Variants in ZC3H12B observed in about 807,000 individuals in gnomAD.
The protein encoded by ZC3H12B is zinc finger CCCH-type containing 12B.
In ZC3H12B, 7 loss-of-function variants were observed where a neutral mutation model predicts 43.9. The ratio of observed to expected loss-of-function variants is 0.16; its 90% CI spans 0.09 to 0.30. ZC3H12B has a LOEUF of 0.30. Among genes scored for constraint, ZC3H12B ranks in the 10% least tolerant of loss-of-function variants. The probability of loss-of-function intolerance (pLI) is 1.00; values close to 1 mark genes in which losing one functional copy is unlikely to be tolerated. For missense variants in ZC3H12B, 475 were observed against 670.2 expected (o/e 0.71, Z 3.22); for synonymous variants, 222 against 241.7 (o/e 0.92, Z 0.76).
At chrX:65,282,172 AG>A in the ZC3H12B span, among the ~76,000 whole-genome samples, 563 of 111,558 alleles carry the variant, frequency 5.0e-3, no homozygotes, top group Non-Finnish European at 8.0e-3. Flanking sequence ...AATCTTAGCC[AG>A]GCACAGTGGT....
At chrX:65,304,183 T>A in the ZC3H12B span, among the ~76,000 whole-genome samples, 1 of 111,909 alleles carries the variant, frequency 8.9e-6, no homozygotes. Context: ...TATAGATGAA[T>A]AAATCAAAGG....
chrX:65,367,988 C>A lies in ZC3H12B; in HGVS notation n.126-841C>A, dbSNP rs780456255. ...AAGAATAATAAGACCCTCCACAAAC[C>A]TTTGTTAGGCCATACTTTGCTTCTG... is the stretch of plus-strand genomic sequence containing the variant. On this transcript the variant is annotated intron_variant and non_coding_transcript_variant, in intron 1 of 5. Transcript: ENST00000617377. 1.6e-3 allele frequency among the ~76,000 whole-genome samples: 174 copies of A among 111,500 alleles called. 1 individual carries two copies. The highest frequency in any genetic ancestry group is 5.3e-3 in the African/African-American group (163 of 30,741).
chrX:65,382,180 G>A (rs1471979091), intron 2 of ZC3H12B, among the ~76,000 whole-genome samples: 2 of 111,039 alleles, frequency 1.8e-5, no homozygotes, highest in Non-Finnish European at 3.8e-5. Context: ...TATGCTTGAT[G>A]AACATTGATG....
At chrX:65,227,292 T>C in the ZC3H12B span, among the ~76,000 whole-genome samples, 2 of 111,331 alleles carry the variant, frequency 1.8e-5, no homozygotes, top group Admixed American at 9.6e-5. Flanking sequence ...ACTGGGTACA[T>C]AACGAAATGA....
the ZC3H12B span, among the ~76,000 whole-genome samples, chrX:65,159,591 G>T: frequency 8.9e-6 from 1 of 111,982 alleles, no homozygotes; most frequent in East Asian, 2.8e-4. Context: ...AAGAATGCTT[G>T]TGATATATGT....
the ZC3H12B span, among the ~76,000 whole-genome samples, chrX:65,067,593 C>G: frequency 1.8e-5 from 2 of 111,848 alleles, no homozygotes; most frequent in East Asian, 5.6e-4. Flanking sequence ...ATTCAGCCAT[C>G]TTGCCAGATC....
the ZC3H12B span, among the ~76,000 whole-genome samples, chrX:65,246,924 A>C: frequency 2.5e-4 from 28 of 112,760 alleles, no homozygotes; most frequent in Non-Finnish European, 5.2e-4. Flanking sequence ...GTTAAACTAA[A>C]GAGCTTCTGC....
chrX:65,483,515 G>A (rs1262060932), intron 3 of ZC3H12B, among the ~76,000 whole-genome samples: 2 of 111,160 alleles, frequency 1.8e-5, no homozygotes, highest in African/African-American at 6.5e-5. Context: ...GTTCTTTCTG[G>A]GGCTTGTGTA....
exon 4 of ZC3H12B, chrX:65,499,883 A>G (rs1456441667): frequency 8.3e-7 from 1 of 1,208,379 alleles, no homozygotes. Context: ...TTGCTTTCAG[A>G]TTTATGCCTC....
At chrX:65,106,178 G>A in the ZC3H12B span, among the ~76,000 whole-genome samples, 1 of 111,509 alleles carries the variant, frequency 9.0e-6, no homozygotes, top group African/African-American at 3.3e-5. Context: ...GAAATGAACT[G>A]TAAGGTAATA....
chrX:65,245,355 A>G, the ZC3H12B span, among the ~76,000 whole-genome samples: 9 of 111,929 alleles, frequency 8.0e-5, no homozygotes, highest in African/African-American at 2.9e-4. Flanking sequence ...GGCAAATATC[A>G]TCCTGATACC....
At chrX:65,411,926 A>T (rs1275884344) in intron 3 of ZC3H12B, among the ~76,000 whole-genome samples, 1 of 109,508 alleles carries the variant, frequency 9.1e-6, no homozygotes, top group Admixed American at 9.8e-5. Context: ...AAATAAAATA[A>T]AATAAATAAA....
chrX:65,503,050 G>A, exon 5 of ZC3H12B: 2 of 1,211,160 alleles, frequency 1.7e-6, no homozygotes, highest in Non-Finnish European at 2.2e-6. Flanking sequence ...ATGATTCCAG[G>A]GAGCATATGA....
chrX:65,442,374 C>T (rs987088753), intron 3 of ZC3H12B, among the ~76,000 whole-genome samples: 1 of 111,144 alleles, frequency 9.0e-6, no homozygotes, highest in African/African-American at 3.3e-5. Context: ...ATATGGTTCT[C>T]TGGGTCCCTG....
chrX:65,180,498 T>A, the ZC3H12B span, among the ~76,000 whole-genome samples: 1 of 111,586 alleles, frequency 9.0e-6, no homozygotes, highest in Non-Finnish European at 1.9e-5. Flanking sequence ...ATGACATGAT[T>A]GTATATTTAG....
the ZC3H12B span, among the ~76,000 whole-genome samples, chrX:65,061,275 C>A: frequency 9.0e-6 from 1 of 111,452 alleles, no homozygotes; most frequent in Non-Finnish European, 1.9e-5. Context: ...GTTTTAAACT[C>A]CACATGCATT....
At chrX:65,163,521 A>G in the ZC3H12B span, among the ~76,000 whole-genome samples, 3 of 111,192 alleles carry the variant, frequency 2.7e-5, no homozygotes, top group Non-Finnish European at 5.7e-5. Flanking sequence ...GTTTGATCTC[A>G]TACTGCTGTG....
the ZC3H12B span, among the ~76,000 whole-genome samples, chrX:65,052,768 C>T: frequency 6.3e-5 from 7 of 111,652 alleles, no homozygotes; most frequent in Admixed American, 9.5e-5. Flanking sequence ...CTTTGACATA[C>T]CGATTTCATT....
chrX:65,211,231 G>A, the ZC3H12B span, among the ~76,000 whole-genome samples: 161 of 109,054 alleles, frequency 1.5e-3, 1 homozygote, highest in African/African-American at 5.2e-3. Context: ...GATAGATTGC[G>A]AAAATTTTCT....
Sources: gnomAD v4.1 joint callset for allele counts (sites outside exome capture counted in the v4.1 genomes callset) on GRCh38, gnomAD v4.1.1 for gene constraint, MANE v1.5 for transcripts, NCBI Gene and HGNC (gene_info 2026-07-23, HGNC 2026-07-21) for gene names.